NRXN1: variants seen among roughly 807,000 people sequenced by gnomAD.
The protein encoded by NRXN1 is neurexin-1.
NRXN1 carries 39 observed loss-of-function variants against 150.9 expected under a neutral mutation model. That is an observed-to-expected ratio of 0.26 (90% CI 0.20 to 0.34). NRXN1 has a LOEUF of 0.34. NRXN1 is among the 10% of genes least tolerant of loss of function. The probability of loss-of-function intolerance (pLI) is 1.00; values close to 1 mark genes in which losing one functional copy is unlikely to be tolerated. For synonymous variants in NRXN1, 924 were observed against 757.0 expected (o/e 1.22, Z -3.62); for missense variants, 1,815 against 1,949.9 (o/e 0.93, Z 1.30).
intron 18 of NRXN1, among the ~76,000 whole-genome samples, chr2:50,130,033 C>T (rs543600161): frequency 6.6e-6 from 1 of 152,128 alleles, no homozygotes; most frequent in African/African-American, 2.4e-5. Flanking sequence ...TTTTTTCTTC[C>T]ATAACTAATA....
chr2:50,707,484 G>A (rs1694599812), intron 5 of NRXN1, among the ~76,000 whole-genome samples: 1 of 152,090 alleles, frequency 6.6e-6, no homozygotes, highest in Non-Finnish European at 1.5e-5. Flanking sequence ...CCAAATTTCT[G>A]GCAGACGTTA....
At chr2:50,293,350 T>G in intron 17 of NRXN1, among the ~76,000 whole-genome samples, 1 of 152,096 alleles carries the variant, frequency 6.6e-6, no homozygotes, top group African/African-American at 2.4e-5. Context: ...ATTCACATAC[T>G]TCTCTGAGGG....
intron 2 of NRXN1, among the ~76,000 whole-genome samples, chr2:51,006,261 T>C (rs952707323): frequency 2.0e-5 from 3 of 151,802 alleles, no homozygotes; most frequent in African/African-American, 7.3e-5. Flanking sequence ...TGGATGAAGC[T>C]GGAAACCATC....
intron 5 of NRXN1, among the ~76,000 whole-genome samples, chr2:50,905,584 A>G (rs550979956): frequency 2.2e-4 from 33 of 152,202 alleles, no homozygotes; most frequent in African/African-American, 6.7e-4. Flanking sequence ...CTTTGCTTGA[A>G]GCTGTTCCAA....
chr2:50,031,846 G>A (rs1689223686), intron 21 of NRXN1, among the ~76,000 whole-genome samples: 1 of 151,916 alleles, frequency 6.6e-6, no homozygotes, highest in South Asian at 2.1e-4. Context: ...CCCTTAATTC[G>A]CCATTCACTG....
At chr2:50,237,396 C>T (rs181349901) in intron 17 of NRXN1, among the ~76,000 whole-genome samples, 1 of 152,032 alleles carries the variant, frequency 6.6e-6, no homozygotes, top group Non-Finnish European at 1.5e-5. Context: ...CAGGGTCATA[C>T]AGCACAGTGG....
chr2:50,444,294 G>A lies in NRXN1; in HGVS notation c.3364+21148C>T, dbSNP rs576620071. On this transcript the variant is annotated intron_variant, in intron 17 of 22. Coordinates refer to ENST00000401669, the MANE Select transcript of NRXN1 (RefSeq NM_001330078.2). ...GTAATAAGATTTCATAGAAAACAGT[G>A]TGGGACAGAGCTGCCTGACTTTAAT... 5.9e-5 allele frequency among the ~76,000 whole-genome samples: 9 copies of A among 152,292 alleles called. No homozygotes were observed. The East Asian group carries it at 1.3e-3, about 23-fold the overall frequency.
At chr2:50,547,738 G>T (rs765099124) in intron 9 of NRXN1, among the ~76,000 whole-genome samples, 13 of 152,272 alleles carry the variant, frequency 8.5e-5, no homozygotes, top group Non-Finnish European at 1.2e-4. Context: ...AATCATGCCT[G>T]CACTTGGTAT....
chr2:50,179,529 C>T (rs111697369), intron 18 of NRXN1, among the ~76,000 whole-genome samples: 427 of 152,200 alleles, frequency 2.8e-3, no homozygotes, highest in Non-Finnish European at 5.0e-3. Flanking sequence ...TAAAGGTTAG[C>T]TGCTATTTTC....
chr2:50,248,841 G>C (rs897251820), intron 17 of NRXN1, among the ~76,000 whole-genome samples: 1 of 152,068 alleles, frequency 6.6e-6, no homozygotes, highest in Non-Finnish European at 1.5e-5. Context: ...ATACTTGTAT[G>C]TGTAGAAATT....
At chr2:50,631,113 G>T in intron 5 of NRXN1, 1 of 447,192 alleles carries the variant, frequency 2.2e-6, no homozygotes, top group South Asian at 1.8e-5. Flanking sequence ...TTTCAAGGGA[G>T]AGTAGTTCAC....
chr2:50,136,342 G>A (rs190720466), intron 18 of NRXN1, among the ~76,000 whole-genome samples: 1 of 152,100 alleles, frequency 6.6e-6, no homozygotes, highest in Non-Finnish European at 1.5e-5. Flanking sequence ...CATTTAAATG[G>A]TTACTCAGGA....
chr2:50,284,734 T>C (rs2071896024), intron 17 of NRXN1, among the ~76,000 whole-genome samples: 1 of 152,208 alleles, frequency 6.6e-6, no homozygotes, highest in Non-Finnish European at 1.5e-5. Flanking sequence ...TCTGTTTCTT[T>C]TCAAATTTAT....
At chr2:50,040,992 T>C (rs1276310303) in intron 21 of NRXN1, among the ~76,000 whole-genome samples, 1 of 152,136 alleles carries the variant, frequency 6.6e-6, no homozygotes, top group African/African-American at 2.4e-5. Flanking sequence ...ATTAGGTATA[T>C]CTCCTAATGC....
rs1022744368 is a variant in NRXN1, at chr2:51,028,460, C to G, written c.-187G>C. ...TCTTCTTCCAATAACCCCGCCCTCT[C>G]TCCCTGTAGTCCTCTTCCAACTGGA... On this transcript the variant is annotated 5_prime_UTR_variant, in exon 2 of 23. Transcript: ENST00000401669. 1 of 453,022 alleles carries G rather than the reference C, an allele frequency of 2.2e-6. No homozygotes were observed. Among genetic ancestry groups the G allele is most frequent in the African/African-American group, 2.0e-5 (1 of 49,526 alleles). 28.1% of individuals were successfully genotyped at this position (453,022 alleles called of 1,614,324 possible). A position where few individuals can be genotyped will look rare whatever the true frequency, so the allele number is the denominator to read the frequency against.
intron 8 of NRXN1, among the ~76,000 whole-genome samples, chr2:50,576,968 A>G (rs1370795451): frequency 1.3e-5 from 2 of 152,186 alleles, no homozygotes; most frequent in South Asian, 4.1e-4. Flanking sequence ...ATCTTTTCTG[A>G]CATTTTAATG....
intron 17 of NRXN1, among the ~76,000 whole-genome samples, chr2:50,409,017 T>C (rs2082959975): frequency 6.6e-6 from 1 of 152,102 alleles, no homozygotes; most frequent in Admixed American, 6.6e-5. Context: ...GGCATTCTGG[T>C]TGATCCTTTT....
In NRXN1 at chr2:50,347,539, C is replaced by T; in HGVS notation, c.3365-110569G>A. ...GGCTCGCCCGCTAGCGCCAGCCTCCCCCGGGCAGCGCGCGGAGCAGCGGCG... is the reference window on the plus strand; with the variant it reads ...GGCTCGCCCGCTAGCGCCAGCCTCCTCCGGGCAGCGCGCGGAGCAGCGGCG... On this transcript the variant is annotated intron_variant, in intron 17 of 22. Coordinates refer to ENST00000401669, the MANE Select transcript of NRXN1 (RefSeq NM_001330078.2). This position sits in a 1 kb window ranked among gnomAD's most constrained non-coding sequence, Gnocchi z 4.9. 9.6e-7 allele frequency: 1 copy of T among 1,043,426 alleles called. No individual in the cohort carries two copies. Among genetic ancestry groups the T allele is most frequent in the Admixed American group, 5.4e-5 (1 of 18,356 alleles). The allele number at this position is 1,043,426 out of a possible 1,614,324, so 64.6% of individuals were successfully genotyped here. A position where few individuals can be genotyped will look rare whatever the true frequency, so the allele number is the denominator to read the frequency against.
intron 12 of NRXN1, among the ~76,000 whole-genome samples, chr2:50,523,670 C>T (rs1176747812): frequency 6.6e-6 from 1 of 152,106 alleles, no homozygotes; most frequent in Non-Finnish European, 1.5e-5. Flanking sequence ...AATGGTAATA[C>T]AAAGATCTTA....
Sources: allele counts gnomAD v4.1 joint callset (sites outside exome capture counted in the v4.1 genomes callset), GRCh38; gene constraint gnomAD v4.1.1; non-coding constraint Gnocchi (gnomAD v3.1); transcripts MANE v1.5; gene names NCBI Gene and HGNC (gene_info 2026-07-23, HGNC 2026-07-21).